Variants in C5orf47 observed in about 807,000 individuals in gnomAD.
C5orf47 encodes the protein uncharacterized protein C5orf47.
A neutral mutation model predicts 20.6 loss-of-function variants in C5orf47; 20 were observed. That is an observed-to-expected ratio of 0.97 (90% CI 0.68 to 1.41). The LOEUF is 1.41. C5orf47 is among the 40% of genes most tolerant of loss of function. C5orf47 has a pLI of 0.00. For missense variants in C5orf47, 262 were observed against 238.4 expected (o/e 1.10, Z -0.65); for synonymous variants, 106 against 97.3 (o/e 1.09, Z -0.53).
chr5:173,992,408 A>C lies in C5orf47; in HGVS notation c.325+2820A>C, dbSNP rs1478020848. 7.0e-5 allele frequency among the ~76,000 whole-genome samples: 8 copies of C among 115,052 alleles called. No homozygotes were observed. In the South Asian group the frequency reaches 2.1e-3, roughly 30 times the overall value. 75.5% of individuals were successfully genotyped at this position (115,052 alleles called of 152,430 possible). ...AGAGACAGAGTGAGAACCTGTCTCT[A>C]AAAAGGAAAAATCAAGGTTTTGATT... is the stretch of plus-strand genomic sequence containing the variant. On this transcript the variant is annotated intron_variant, in intron 1 of 4. Transcript: ENST00000340147.
Position 173,989,220 on chromosome 5 carries a change from C to T in C5orf47, c.-44C>T, listed in dbSNP as rs566318943. 26 of 1,362,690 alleles carry T rather than the reference C, an allele frequency of 1.9e-5. No individual in the cohort carries two copies. In the South Asian group the frequency reaches 4.1e-4, roughly 22 times the overall value. The allele number at this position is 1,362,690 out of a possible 1,614,324, so 84.4% of individuals were successfully genotyped here. On this transcript the variant is annotated 5_prime_UTR_variant, in exon 1 of 5. Transcript: ENST00000340147. ...ACAGTGGGCAGTCTGGCGCCTGTGG[C>T]GTCGTGTTTGCTGAGGGCCCGGCTG...
chr5:174,006,458 A>T (rs1451459341), downstream of C5orf47, among the ~76,000 whole-genome samples: 1 of 152,184 alleles, frequency 6.6e-6, no homozygotes, highest in Non-Finnish European at 1.5e-5. Context: ...GTCACCTGAA[A>T]GGTTTCAGGT....
At chr5:173,992,770 A>T (rs1271433480) in intron 1 of C5orf47, among the ~76,000 whole-genome samples, 6 of 151,904 alleles carry the variant, frequency 3.9e-5, no homozygotes, top group Non-Finnish European at 8.8e-5. Flanking sequence ...TTTATTTTTA[A>T]TTTTTGCTAG....
intron 1 of C5orf47, among the ~76,000 whole-genome samples, chr5:173,993,943 G>C (rs1759042813): frequency 6.6e-6 from 1 of 152,180 alleles, no homozygotes; most frequent in Non-Finnish European, 1.5e-5. Flanking sequence ...AAATAAGTTT[G>C]TTTATTCCTG....
At chr5:173,990,489 C>T (rs115717855) in intron 1 of C5orf47, among the ~76,000 whole-genome samples, 1,533 of 152,102 alleles carry the variant, frequency 0.01, 12 homozygotes, top group East Asian at 0.043. Flanking sequence ...GACTAGAGTG[C>T]AATGACGTGA....
At chr5:174,007,394 T>C (rs1759308144), downstream of C5orf47, among the ~76,000 whole-genome samples, 1 of 152,198 alleles carries the variant, frequency 6.6e-6, no homozygotes, top group Admixed American at 6.5e-5. Context: ...CACAGCTGCT[T>C]TGCTAGACAG....
At chr5:173,992,230 TA>T (rs1440587871) in intron 1 of C5orf47, among the ~76,000 whole-genome samples, 1 of 141,868 alleles carries the variant, frequency 7.0e-6, no homozygotes, top group Non-Finnish European at 1.5e-5. Flanking sequence ...ACTATTTTGT[TA>T]ATTTTTTTTT....
downstream of C5orf47, among the ~76,000 whole-genome samples, chr5:174,007,991 C>T (rs1759318903): frequency 6.6e-6 from 1 of 152,180 alleles, no homozygotes; most frequent in Non-Finnish European, 1.5e-5. Flanking sequence ...GGCTCGTATA[C>T]TGGAGGCCTT....
chr5:173,997,762 A>C (rs1759124040), intron 1 of C5orf47, among the ~76,000 whole-genome samples: 1 of 152,106 alleles, frequency 6.6e-6, no homozygotes, highest in Admixed American at 6.6e-5. Flanking sequence ...CATTTGAGGT[A>C]CCACAAGGTA....
At chr5:173,997,275 G>A (rs67715640) in intron 1 of C5orf47, among the ~76,000 whole-genome samples, 20,320 of 152,142 alleles carry the variant, frequency 0.13, 1,816 homozygotes, top group African/African-American at 0.25. Context: ...AGGTGGGGAA[G>A]GGTTGAGGTG....
chr5:174,000,306 C>A (rs1759172750), intron 3 of C5orf47, among the ~76,000 whole-genome samples: 1 of 152,044 alleles, frequency 6.6e-6, no homozygotes, highest in South Asian at 2.1e-4. Flanking sequence ...ATGAATTAAA[C>A]CGTGCTCTAA....
intron 4 of C5orf47, among the ~76,000 whole-genome samples, chr5:174,003,383 A>G (rs1254478731): frequency 6.6e-6 from 1 of 152,166 alleles, no homozygotes; most frequent in Non-Finnish European, 1.5e-5. Flanking sequence ...ATAGATGATC[A>G]GGTATGGGGA....
At chr5:174,002,600 C>CT in intron 4 of C5orf47, among the ~76,000 whole-genome samples, 1 of 151,690 alleles carries the variant, frequency 6.6e-6, no homozygotes, top group East Asian at 1.9e-4. Flanking sequence ...CATTCTTCTT[C>CT]TCTCTCTGTG....
chr5:174,007,560 T>C (rs1277110762), downstream of C5orf47, among the ~76,000 whole-genome samples: 2 of 80,052 alleles, frequency 2.5e-5, no homozygotes, highest in Admixed American at 1.1e-4. Flanking sequence ...CTCTCCTACC[T>C]TTTTTTTTTT....
Position 173,989,494 on chromosome 5 carries a change from C to T in C5orf47, c.231C>T (p.Val77=), listed in dbSNP as rs1442817218. The change falls in exon 1 of 5, where the codon GTC becomes GTT. Residue 77 remains valine (V), a synonymous_variant. Coordinates refer to ENST00000340147, the MANE Select transcript of C5orf47 (RefSeq NM_001144954.2). ...SELPLGSQLR[V]PTTPGVEAAA... ...TGCCCCTCGGTTCCCAGCTCAGGGTCCCCACGACCCCTGGTGTGGAGGCTG... is the reference window on the plus strand; with the variant it reads ...TGCCCCTCGGTTCCCAGCTCAGGGTTCCCACGACCCCTGGTGTGGAGGCTG... 3.9e-6 allele frequency: 6 copies of T among 1,546,250 alleles called. No individual in the cohort carries two copies. The South Asian group carries it at 6.0e-5, about 15-fold the overall frequency.
downstream of C5orf47, among the ~76,000 whole-genome samples, chr5:174,009,129 G>T (rs183576411): frequency 6.6e-6 from 1 of 152,134 alleles, no homozygotes; most frequent in Non-Finnish European, 1.5e-5. Context: ...CCGCTAGAAA[G>T]CCTCCAGTGT....
chr5:173,992,574 A>G (rs1759018334), intron 1 of C5orf47, among the ~76,000 whole-genome samples: 1 of 151,808 alleles, frequency 6.6e-6, no homozygotes, highest in African/African-American at 2.4e-5. Context: ...ATTTATTTTT[A>G]TTATTGTTAT....
chr5:173,994,248 C>T (rs1449890391), intron 1 of C5orf47, among the ~76,000 whole-genome samples: 2 of 152,160 alleles, frequency 1.3e-5, no homozygotes, highest in Non-Finnish European at 2.9e-5. Flanking sequence ...TGCATCTCAT[C>T]GATTTGCAGA....
At chr5:174,002,598 TTC>T (rs1195277059) in intron 4 of C5orf47, among the ~76,000 whole-genome samples, 2 of 150,712 alleles carry the variant, frequency 1.3e-5, no homozygotes, top group East Asian at 3.8e-4. Flanking sequence ...CTCATTCTTC[TTC>T]TCTCTCTGTG....
Sources: gnomAD v4.1 joint callset for allele counts (sites outside exome capture counted in the v4.1 genomes callset) on GRCh38, gnomAD v4.1.1 for gene constraint, MANE v1.5 for transcripts, NCBI Gene and HGNC (gene_info 2026-07-23, HGNC 2026-07-21) for gene names.